Variants in ZNF469 observed in about 807,000 individuals in gnomAD.
ZNF469 encodes zinc finger protein 469.
In ZNF469, 1 loss-of-function variant was observed where a neutral mutation model predicts 1.0. That is an observed-to-expected ratio of 1.00 (90% CI 0.35 to 4.73). The LOEUF (loss-of-function observed/expected upper bound fraction) is 4.73, where lower values mean the gene tolerates loss of function less well. ZNF469 is among the 30% of genes most tolerant of loss of function. The pLI, the probability that ZNF469 is intolerant of heterozygous loss-of-function variation, is 0.16. For synonymous variants in ZNF469, 2,703 were observed against 2,363.4 expected (o/e 1.14, Z -4.17); for missense variants, 6,100 against 5,356.3 (o/e 1.14, Z -4.33).
chr16:88,243,911 C>CATATAT, the ZNF469 span, among the ~76,000 whole-genome samples: 1,151 of 26,062 alleles, frequency 0.044, 71 homozygotes, highest in Middle Eastern at 0.062. Context: ...TGGCTGGATG[C>CATATAT]ATATATATAT....
intron 1 of ZNF469, among the ~76,000 whole-genome samples, chr16:88,390,599 G>A (rs571695150): frequency 4.4e-4 from 67 of 152,356 alleles, no homozygotes; most frequent in African/African-American, 1.5e-3. Flanking sequence ...ACTCTCAGCT[G>A]GAGAAAACAG....
At chr16:88,230,782 G>C in the ZNF469 span, among the ~76,000 whole-genome samples, 89 of 152,304 alleles carry the variant, frequency 5.8e-4, no homozygotes, top group African/African-American at 2.0e-3. Context: ...CATCTGTCCC[G>C]CAGTCCCCAC....
At chr16:88,222,642 A>C in the ZNF469 span, among the ~76,000 whole-genome samples, 2 of 152,088 alleles carry the variant, frequency 1.3e-5, no homozygotes, top group African/African-American at 4.8e-5. Flanking sequence ...CTGTAATCCC[A>C]GCTACTAGGG....
At chr16:88,155,851 C>A in the ZNF469 span, among the ~76,000 whole-genome samples, 1 of 152,188 alleles carries the variant, frequency 6.6e-6, no homozygotes, top group African/African-American at 2.4e-5. Context: ...AGAAGCTGCA[C>A]CATGACGTTC....
chr16:88,158,663 G>A, the ZNF469 span, among the ~76,000 whole-genome samples: 1 of 152,248 alleles, frequency 6.6e-6, no homozygotes, highest in Non-Finnish European at 1.5e-5. Context: ...GAAGAGATGG[G>A]AGAATGTGGC....
At chr16:88,152,588 G>A in the ZNF469 span, among the ~76,000 whole-genome samples, 3,256 of 152,240 alleles carry the variant, frequency 0.021, 108 homozygotes, top group African/African-American at 0.074. The surrounding 1 kb of genome is among the most constrained non-coding windows in gnomAD (Gnocchi z 4.2). Context: ...GAGTCCTGGC[G>A]TCCACAGGCG....
intron 1 of ZNF469, among the ~76,000 whole-genome samples, chr16:88,395,991 G>A (rs1346049349): frequency 6.6e-6 from 1 of 152,246 alleles, no homozygotes; most frequent in Non-Finnish European, 1.5e-5. Flanking sequence ...CCAGCCATGT[G>A]CTCAGGCTTC....
the ZNF469 span, among the ~76,000 whole-genome samples, chr16:88,153,589 G>T: frequency 0.015 from 2,300 of 152,342 alleles, 39 homozygotes; most frequent in African/African-American, 0.052. Flanking sequence ...GGTCATAGCA[G>T]CCCTCAGCAG....
the ZNF469 span, among the ~76,000 whole-genome samples, chr16:88,105,196 T>C: frequency 6.6e-6 from 1 of 152,024 alleles, no homozygotes; most frequent in African/African-American, 2.4e-5. Context: ...GCACTCCAGC[T>C]GGGGCAACAC....
Position 88,436,661 on chromosome 16 carries a change from T to C in ZNF469, c.9191T>C (p.Phe3064Ser), listed in dbSNP as rs1484960560. The C allele has an allele frequency of 5.8e-6, 9 of 1,550,254 alleles. No homozygotes were observed. Among genetic ancestry groups the C allele is most frequent in the Admixed American group, 3.9e-5 (2 of 51,012 alleles). The change falls in exon 3 of 3, where the codon TTT (phenylalanine) becomes TCT (serine). Residue 3064 changes from phenylalanine (F) to serine (S), a missense_variant. Physicochemically the swap from Phe to Ser is radical, Grantham distance 155. Transcript: ENST00000565624. The part of the protein sequence containing the change: ...EMQDLCFLGP[F>S]EDPVGLPGPS... ...CAAGACCTGTGCTTTCTGGGACCCT[T>C]TGAAGACCCCGTGGGTCTCCCCGGC...
chr16:88,430,454 G>A lies in ZNF469; in HGVS notation c.2984G>A (p.Arg995Gln). Residue 995 changes from arginine (R) to glutamine (Q), a missense_variant, in exon 3 of 3, where the codon CGG becomes CAG. Arg to Gln is a conservative substitution (Grantham distance 43). Coordinates refer to ENST00000565624, the MANE Select transcript of ZNF469 (RefSeq NM_001367624.2). Reference protein sequence around the residue: ...GLGERPPPRPRRPRTQAPGSR... With the variant: ...GLGERPPPRPQRPRTQAPGSR... ...GGGGAGCGGCCCCCACCCCGTCCCC[G>A]GCGCCCTAGAACGCAGGCCCCCGGG... The A allele has an allele frequency of 6.7e-7, 1 of 1,486,068 alleles. No individual in the cohort carries two copies. Among genetic ancestry groups the A allele is most frequent in the Non-Finnish European group, 8.9e-7 (1 of 1,122,998 alleles). 92.1% of individuals were successfully genotyped at this position (1,486,068 alleles called of 1,614,324 possible).
the ZNF469 span, among the ~76,000 whole-genome samples, chr16:88,222,763 A>T: frequency 1.1e-4 from 17 of 151,686 alleles, no homozygotes; most frequent in African/African-American, 3.9e-4. Flanking sequence ...ATCCCGAAAA[A>T]AAAAAACAAA....
At chr16:88,204,934 A>G in the ZNF469 span, among the ~76,000 whole-genome samples, 1 of 152,200 alleles carries the variant, frequency 6.6e-6, no homozygotes, top group East Asian at 1.9e-4. Context: ...CGGACAGCAC[A>G]GTGCTGGGGA....
In ZNF469 at chr16:88,432,039, G is replaced by T. The variant is rs1017510454; in HGVS notation, c.4569G>T (p.Val1523=). ...SHFPDLSGGK[V]LSKTCPPERT... is the part of the protein sequence containing the mutation. The stretch of plus-strand genomic sequence containing the variant: ...TTCCTGATCTCTCGGGGGGAAAGGT[G>T]CTCAGTAAGACGTGTCCCCCTGAAC... Residue 1523 remains valine (V), a synonymous_variant, in exon 3 of 3, where the codon GTG becomes GTT. Coordinates refer to ENST00000565624, the MANE Select transcript of ZNF469 (RefSeq NM_001367624.2). The T allele has an allele frequency of 1.3e-6, 2 of 1,550,374 alleles. No individual in the cohort carries two copies. The highest frequency in any genetic ancestry group is 1.7e-6 in the Non-Finnish European group (2 of 1,146,994).
At chr16:88,297,397 C>T in the ZNF469 span, among the ~76,000 whole-genome samples, 1 of 152,224 alleles carries the variant, frequency 6.6e-6, no homozygotes, top group Non-Finnish European at 1.5e-5. Flanking sequence ...CTTGGCTTCT[C>T]TCCATGCACT....
At chr16:88,199,426 G>T in the ZNF469 span, among the ~76,000 whole-genome samples, 1 of 152,222 alleles carries the variant, frequency 6.6e-6, no homozygotes, top group Admixed American at 6.5e-5. Flanking sequence ...ACATGTCCCT[G>T]GTCTTCAGGG....
chr16:88,401,538 G>GATGGATGGATGGATGGATGGATGA (rs1567501602), intron 1 of ZNF469, among the ~76,000 whole-genome samples: 15 of 82,368 alleles, frequency 1.8e-4, no homozygotes, highest in African/African-American at 4.4e-4. Context: ...TGGATGCATG[G>GATGGATGGATGGATGGATGGATGA]GTGGATGGAT....
chr16:88,402,393 G>A (rs945099991), intron 1 of ZNF469, among the ~76,000 whole-genome samples: 23 of 152,186 alleles, frequency 1.5e-4, no homozygotes, highest in African/African-American at 5.6e-4. Flanking sequence ...AGTGCTGTGG[G>A]TAGCACCATG....
chr16:88,141,784 C>T, the ZNF469 span, among the ~76,000 whole-genome samples: 1 of 152,202 alleles, frequency 6.6e-6, no homozygotes, highest in African/African-American at 2.4e-5. Flanking sequence ...GTGGTGACGT[C>T]AGAGGCACCA....
Sources: gnomAD v4.1 joint callset for allele counts (sites outside exome capture counted in the v4.1 genomes callset) on GRCh38, gnomAD v4.1.1 for gene constraint, Gnocchi (gnomAD v3.1) non-coding constraint, MANE v1.5 for transcripts, NCBI Gene and HGNC (gene_info 2026-07-23, HGNC 2026-07-21) for gene names.